ZNF43: variants seen among roughly 807,000 people sequenced by gnomAD.
ZNF43 encodes the protein zinc finger protein 43, also known as zinc finger protein 39-like 1 (KOX 27).
ZNF43 carries 44 observed loss-of-function variants against 68.4 expected under a neutral mutation model. The observed-to-expected ratio is 0.64, with a 90% CI of 0.51 to 0.83. ZNF43 has a LOEUF of 0.83. ZNF43 is among the 40% of genes least tolerant of loss of function. The pLI, the probability that ZNF43 is intolerant of heterozygous loss-of-function variation, is 0.00. For missense variants in ZNF43, 896 were observed against 933.2 expected, an observed-to-expected ratio of 0.96 and a Z score of 0.52; for synonymous variants, 308 against 307.8, an observed-to-expected ratio of 1.00 and a Z score of -0.01.
intron 1 of ZNF43, among the ~76,000 whole-genome samples, chr19:21,829,751 A>G (rs1409979127): frequency 6.6e-6 from 1 of 152,212 alleles, no homozygotes; most frequent in African/African-American, 2.4e-5. Context: ...CTTTTACAAC[A>G]GCCAGGTCTC....
intron 1 of ZNF43, among the ~76,000 whole-genome samples, chr19:21,822,632 T>C (rs987469346): frequency 3.9e-5 from 6 of 152,014 alleles, no homozygotes; most frequent in African/African-American, 1.4e-4. Flanking sequence ...AGTGAAACCC[T>C]GTCTCTACTA....
At chr19:21,847,679 AGAGT>A (rs1296164539) in intron 1 of ZNF43, among the ~76,000 whole-genome samples, 16 of 148,022 alleles carry the variant, frequency 1.1e-4, no homozygotes, top group African/African-American at 3.9e-4. Context: ...CCTGTGCAAC[AGAGT>A]GAGACTCCGT....
chr19:21,833,334 TCAGCTCA>T (rs951511459), intron 1 of ZNF43, among the ~76,000 whole-genome samples: 19 of 152,270 alleles, frequency 1.2e-4, no homozygotes, highest in Admixed American at 1.0e-3. Flanking sequence ...TGGCGCGACC[TCAGCTCA>T]CTGCAACCTC....
upstream of ZNF43, chr19:21,838,886 G>A (rs2145372602): frequency 6.6e-6 from 1 of 152,166 alleles, no homozygotes; most frequent in South Asian, 2.1e-4. Flanking sequence ...GATGAGATAG[G>A]AGGTCAGCAC....
chr19:21,850,272 C>T (rs183489521), intron 1 of ZNF43, among the ~76,000 whole-genome samples: 115 of 152,310 alleles, frequency 7.6e-4, no homozygotes, highest in Non-Finnish European at 1.5e-3. Context: ...GTAGAAAGGG[C>T]CTGGGCAGGG....
intron 1 of ZNF43, among the ~76,000 whole-genome samples, chr19:21,823,480 A>T (rs369120693): frequency 3.5e-4 from 54 of 152,202 alleles, no homozygotes; most frequent in African/African-American, 1.2e-3. Context: ...GACATTTTCA[A>T]ATGTCGCAAA....
intron 3 of ZNF43, 21 bp from the exon 4 acceptor site, chr19:21,809,828 A>C (rs2037191521): frequency 1.3e-6 from 2 of 1,499,144 alleles, no homozygotes; most frequent in Non-Finnish European, 1.8e-6. Flanking sequence ...TAAAAATAAC[A>C]AATTATTCCA....
At chr19:21,824,732 T>TAAAA (rs34739856) in intron 1 of ZNF43, among the ~76,000 whole-genome samples, 2 of 107,248 alleles carry the variant, frequency 1.9e-5, no homozygotes, top group African/African-American at 3.2e-5. Context: ...TATGTTTACC[T>TAAAA]AAAAAAAAAA....
At chr19:21,832,789 T>A (rs888337922) in intron 1 of ZNF43, among the ~76,000 whole-genome samples, 2 of 152,028 alleles carry the variant, frequency 1.3e-5, no homozygotes, top group African/African-American at 4.8e-5. Context: ...TGCTTCAACC[T>A]GGGAGATGGA....
intron 1 of ZNF43, among the ~76,000 whole-genome samples, chr19:21,821,884 A>G (rs1169186586): frequency 6.6e-6 from 1 of 152,164 alleles, no homozygotes; most frequent in Admixed American, 6.5e-5. Context: ...CAGAGTGGAC[A>G]CAGCTCTTGA....
At chr19:21,820,242 A>G (rs932470969) in intron 1 of ZNF43, among the ~76,000 whole-genome samples, 1 of 147,466 alleles carries the variant, frequency 6.8e-6, no homozygotes, top group Non-Finnish European at 1.5e-5. Context: ...ATATACATAT[A>G]TATTAATATA....
rs1320448602 is a variant in ZNF43 at position 21,808,930 on chromosome 19, G to A, written c.1107C>T (p.Phe369=). 1.2e-6 allele frequency: 2 copies of A among 1,612,962 alleles called. No individual in the cohort carries two copies. Among genetic ancestry groups the A allele is most frequent in the East Asian group, 2.2e-5 (1 of 44,766 alleles). Residue 369 remains phenylalanine, a synonymous_variant, in exon 4 of 4, where the codon TTC becomes TTT. Coordinates refer to ENST00000354959, the MANE Select transcript of ZNF43 (RefSeq NM_003423.4). Reference sequence around the variant, plus strand: ...CTTCACCACATTCTGTACATTTATAGAATTTCTCTGCAGTATGGATTCTCT... The same window carrying A: ...CTTCACCACATTCTGTACATTTATAAAATTTCTCTGCAGTATGGATTCTCT... ...THKRIHTAEK[F]YKCTECGEAF...
chr19:21,836,247 T>C (rs763136073), upstream of ZNF43: 59 of 1,391,028 alleles, frequency 4.2e-5, no homozygotes, highest in Non-Finnish European at 5.4e-5. Context: ...TTGGACGGTT[T>C]CCAGCCCAGC....
chr19:21,808,952 C>T lies in ZNF43; in HGVS notation c.1085G>A (p.Arg362Lys). The T allele has an allele frequency of 1.2e-6, 2 of 1,613,054 alleles. No homozygotes were observed. Among genetic ancestry groups the T allele is most frequent in the Non-Finnish European group, 1.7e-6 (2 of 1,179,754 alleles). Reference protein sequence around the residue: ...NQFSNLTTHKRIHTAEKFYKC... With the variant: ...NQFSNLTTHKKIHTAEKFYKC... ...ATAGAATTTCTCTGCAGTATGGATT[C>T]TCTTATGTGTAGTAAGGTTTGAGAA... Residue 362 changes from arginine (R) to lysine (K), a missense_variant, in exon 4 of 4, where the codon AGA becomes AAA. Arg to Lys is a conservative substitution (Grantham distance 26). Transcript: ENST00000354959.
intron 3 of ZNF43, among the ~76,000 whole-genome samples, chr19:21,813,308 A>G (rs2037370857): frequency 6.6e-6 from 1 of 152,118 alleles, no homozygotes. Flanking sequence ...AAATACAAAA[A>G]TCTCATTTAT....
intron 2 of ZNF43, 67 bp from the exon 3 acceptor site, chr19:21,818,053 GTCC>G: frequency 6.8e-7 from 1 of 1,478,304 alleles, no homozygotes. Flanking sequence ...CTAGTAATGT[GTCC>G]AGTATGAAGG....
rs2036957336 is a variant in ZNF43 at position 21,806,665 on chromosome 19, A to T, written c.*942T>A. 1 of 152,082 alleles carries T rather than the reference A, an allele frequency of 6.6e-6. No individual in the cohort carries two copies. The highest frequency in any genetic ancestry group is 2.4e-5 in the African/African-American group (1 of 41,392). 9.4% of individuals were successfully genotyped at this position (152,082 alleles called of 1,614,324 possible). A position where few individuals can be genotyped will look rare whatever the true frequency, so the allele number is the denominator to read the frequency against. On this transcript the variant is annotated 3_prime_UTR_variant, in exon 4 of 4. Transcript: ENST00000354959. ...TTATTCACTAATTTAAAAATCAGTA[A>T]TTTTTTCAAGATAAAAGTATACTTT...
intron 1 of ZNF43, among the ~76,000 whole-genome samples, chr19:21,831,922 T>C (rs558119423): frequency 2.0e-5 from 3 of 152,298 alleles, no homozygotes; most frequent in African/African-American, 7.2e-5. Flanking sequence ...TTTATGCTCA[T>C]GAATAGAAAA....
intron 1 of ZNF43, among the ~76,000 whole-genome samples, chr19:21,833,620 G>C (rs1400981275): frequency 6.6e-6 from 1 of 151,226 alleles, no homozygotes; most frequent in East Asian, 1.9e-4. Flanking sequence ...TTTATCCCTA[G>C]ACAGTACTGA....
Sources: allele counts gnomAD v4.1 joint callset (sites outside exome capture counted in the v4.1 genomes callset), GRCh38; gene constraint gnomAD v4.1.1; transcripts MANE v1.5; gene names NCBI Gene and HGNC (gene_info 2026-07-23, HGNC 2026-07-21).